NLGN4Y: variants seen among roughly 807,000 people sequenced by gnomAD.
The protein encoded by NLGN4Y is neuroligin-4, Y-linked.
A neutral mutation model predicts 8.4 loss-of-function variants in NLGN4Y; 4 were observed. That is an observed-to-expected ratio of 0.48 (90% CI 0.23 to 1.09). The LOEUF is 1.09. Ranked by LOEUF, NLGN4Y falls within the 50% of genes least tolerant of loss-of-function variation. The probability of loss-of-function intolerance (pLI) is 0.19; values close to 1 mark genes in which losing one functional copy is unlikely to be tolerated. For missense variants in NLGN4Y, 90 were observed against 192.3 expected, an observed-to-expected ratio of 0.47 and a Z score of 3.15; for synonymous variants, 35 against 75.6, an observed-to-expected ratio of 0.46 and a Z score of 2.78.
intron 4 of NLGN4Y, among the ~76,000 whole-genome samples, chrY:14,807,983 A>G (rs769702200): frequency 5.9e-5 from 2 of 33,860 alleles, no homozygotes; most frequent in South Asian, 6.4e-4. Context: ...AAGCAAAACT[A>G]AAGAGCATGG....
intron 1 of NLGN4Y, among the ~76,000 whole-genome samples, chrY:14,582,578 C>T: frequency 3.0e-5 from 1 of 33,533 alleles, no homozygotes; most frequent in Non-Finnish European, 7.4e-5. Flanking sequence ...CAGCCTGCAA[C>T]ATAGGGAGAT....
At chrY:14,783,063 T>C in intron 4 of NLGN4Y, among the ~76,000 whole-genome samples, 1 of 33,774 alleles carries the variant, frequency 3.0e-5, no homozygotes, top group South Asian at 6.5e-4. Flanking sequence ...AAAGATGGCA[T>C]CTCAACACAT....
chrY:14,546,262 TC>T, intron 1 of NLGN4Y, among the ~76,000 whole-genome samples: 1 of 32,437 alleles, frequency 3.1e-5, no homozygotes, highest in Non-Finnish European at 7.5e-5. Flanking sequence ...CAATGCAGGG[TC>T]TTTTTTGGTT....
rs774249184 is a variant in NLGN4Y at position 14,778,442 on chromosome Y, G to A, written c.686-45746G>A. On this transcript the variant is annotated intron_variant, in intron 4 of 6. Transcript: ENST00000684976. ...GCTGCAGCCTCTCTGGGACTTGCAT[G>A]GGGCGTCTCCTATTATTGTGCATAA... Among the ~76,000 whole-genome samples, 70 of 33,880 alleles carry A rather than the reference G, an allele frequency of 2.1e-3. No homozygotes were observed. The Middle Eastern group carries it at 0.042, about 20-fold the overall frequency. 90.9% of individuals were successfully genotyped at this position (33,880 alleles called of 37,273 possible). A position where few individuals can be genotyped will look rare whatever the true frequency, so the allele number is the denominator to read the frequency against.
intron 4 of NLGN4Y, among the ~76,000 whole-genome samples, chrY:14,771,779 C>T (rs2081108822): frequency 6.1e-5 from 2 of 33,022 alleles, no homozygotes; most frequent in Non-Finnish European, 1.5e-4. Flanking sequence ...AAGACCTATC[C>T]GGTGTGCTAT....
chrY:14,744,991 A>G (rs748272824), intron 4 of NLGN4Y, among the ~76,000 whole-genome samples: 26 of 33,473 alleles, frequency 7.8e-4, no homozygotes, highest in African/African-American at 3.0e-3. Flanking sequence ...CAGTTAACCA[A>G]GTGAGGGTGG....
chrY:14,565,269 CT>C (rs2080247396), intron 1 of NLGN4Y, among the ~76,000 whole-genome samples: 1 of 31,247 alleles, frequency 3.2e-5, no homozygotes, highest in Non-Finnish European at 7.7e-5. Context: ...AGCTAAGAAC[CT>C]TGAAAAAAGG....
chrY:14,759,203 C>T (rs542780074), intron 4 of NLGN4Y, among the ~76,000 whole-genome samples: 1 of 34,212 alleles, frequency 2.9e-5, no homozygotes, highest in South Asian at 6.5e-4. Flanking sequence ...GACAGTTAAT[C>T]ATCACCTGAC....
At position 14,573,284 on chromosome Y, in the gene NLGN4Y, G is replaced by C. The variant is rs754392185; in HGVS notation, c.-112+48576G>C. On this transcript the variant is annotated intron_variant, in intron 1 of 6. Transcript: ENST00000684976. ...TGCCGCAATTGCAGAGCCTGTTATT[G>C]GTCTATTCAGAGATTCAACTTCTTT... 2.9e-3 allele frequency among the ~76,000 whole-genome samples: 95 copies of C among 33,059 alleles called. No homozygotes were observed. In the East Asian group the frequency reaches 0.061, roughly 21 times the overall value. 88.7% of individuals were successfully genotyped at this position (33,059 alleles called of 37,273 possible).
At chrY:14,744,564 T>C in intron 4 of NLGN4Y, among the ~76,000 whole-genome samples, 1 of 33,639 alleles carries the variant, frequency 3.0e-5, no homozygotes, top group African/African-American at 1.2e-4. Context: ...GCGCTCTTAG[T>C]TCCTCAAATC....
At chrY:14,619,544 G>A (rs747769376) in intron 1 of NLGN4Y, among the ~76,000 whole-genome samples, 10 of 33,767 alleles carry the variant, frequency 3.0e-4, no homozygotes, top group African/African-American at 9.2e-4. Flanking sequence ...TGTTGTCTAC[G>A]TTGACTGGAC....
At position 14,551,594 on chromosome Y, in the gene NLGN4Y, C is replaced by A; in HGVS notation, c.-112+26886C>A. ...CATAACAAACAGCCTGTCAGACACA[C>A]GTGTGATCAAATTAGACTCAAGATT... On this transcript the variant is annotated intron_variant, in intron 1 of 6. Transcript: ENST00000684976. Among the ~76,000 whole-genome samples, 14 of 33,530 alleles carry A rather than the reference C, an allele frequency of 4.2e-4. No individual in the cohort carries two copies. In the South Asian group the frequency reaches 4.7e-3, roughly 11 times the overall value. 90.0% of individuals were successfully genotyped at this position (33,530 alleles called of 37,273 possible).
At chrY:14,577,259 A>G (rs2080302213) in intron 1 of NLGN4Y, among the ~76,000 whole-genome samples, 1 of 34,012 alleles carries the variant, frequency 2.9e-5, no homozygotes, top group South Asian at 6.5e-4. Flanking sequence ...CCAAGGAAAC[A>G]GGGACAAAAT....
chrY:14,791,143 T>C, intron 4 of NLGN4Y, among the ~76,000 whole-genome samples: 1 of 33,336 alleles, frequency 3.0e-5, no homozygotes, highest in African/African-American at 1.2e-4. Flanking sequence ...CTCAGCAGTG[T>C]TTTACCTCTA....
intron 1 of NLGN4Y, among the ~76,000 whole-genome samples, chrY:14,586,484 T>A: frequency 3.0e-5 from 1 of 33,180 alleles, no homozygotes; most frequent in Admixed American, 2.8e-4. Flanking sequence ...TTTTTGGATA[T>A]TGTACAGTTC....
At chrY:14,535,394 G>A in intron 1 of NLGN4Y, among the ~76,000 whole-genome samples, 1 of 32,670 alleles carries the variant, frequency 3.1e-5, no homozygotes, top group Non-Finnish European at 7.5e-5. Flanking sequence ...ACCTCAGAGG[G>A]TTCTGGTTAC....
chrY:14,568,653 C>T (rs1030802437), intron 1 of NLGN4Y, among the ~76,000 whole-genome samples: 2 of 33,000 alleles, frequency 6.1e-5, no homozygotes, highest in Non-Finnish European at 1.5e-4. Flanking sequence ...TATTACATGG[C>T]AGTGGGTAGT....
chrY:14,786,266 C>T (rs1052543807), intron 4 of NLGN4Y, among the ~76,000 whole-genome samples: 1 of 33,892 alleles, frequency 3.0e-5, no homozygotes, highest in Non-Finnish European at 7.3e-5. Flanking sequence ...GCCGAAGCCT[C>T]GTTTTCCATA....
At chrY:14,825,008 G>T in intron 5 of NLGN4Y, among the ~76,000 whole-genome samples, 5 of 33,827 alleles carry the variant, frequency 1.5e-4, no homozygotes, top group Admixed American at 1.3e-3. Flanking sequence ...ATAAGGAAGA[G>T]AAATAGTATG....
Sources: gnomAD v4.1 joint callset for allele counts (sites outside exome capture counted in the v4.1 genomes callset) on GRCh38, gnomAD v4.1.1 for gene constraint, MANE v1.5 for transcripts, NCBI Gene and HGNC (gene_info 2026-07-23, HGNC 2026-07-21) for gene names.